RREB1: variants seen among roughly 807,000 people sequenced by gnomAD.
The protein encoded by RREB1 is ras responsive element binding protein 1.
A neutral mutation model predicts 117.8 loss-of-function variants in RREB1; 27 were observed. That is an observed-to-expected ratio of 0.23 (90% CI 0.17 to 0.32). RREB1 has a LOEUF of 0.32. Ranked by LOEUF, RREB1 falls within the 10% of genes least tolerant of loss-of-function variation. The pLI is 1.00. For synonymous variants in RREB1, 1,298 were observed against 1,026.7 expected (o/e 1.26, Z -5.05); for missense variants, 2,577 against 2,378.2 (o/e 1.08, Z -1.74).
intron 1 of RREB1, among the ~76,000 whole-genome samples, chr6:7,119,189 A>G (rs1761553330): frequency 6.6e-6 from 1 of 152,024 alleles, no homozygotes; most frequent in Non-Finnish European, 1.5e-5. Flanking sequence ...CATCTTTACT[A>G]AAAACACAAA....
intron 11 of RREB1, among the ~76,000 whole-genome samples, chr6:7,245,583 TG>T (rs1768954273): frequency 1.3e-5 from 2 of 152,348 alleles, no homozygotes; most frequent in East Asian, 3.9e-4. Flanking sequence ...TTAAAAGGAC[TG>T]TTGAAAACTG....
Position 7,231,428 on chromosome 6 carries a change from A to G in RREB1, c.3329A>G (p.Lys1110Arg). 2 of 1,613,088 alleles carry G rather than the reference A, an allele frequency of 1.2e-6. No homozygotes were observed. Among genetic ancestry groups the G allele is most frequent in the Non-Finnish European group, 8.5e-7 (1 of 1,179,810 alleles). Residue 1110 changes from lysine to arginine, a missense_variant, in exon 10 of 13, where the codon AAA becomes AGA. Transcript: ENST00000379938. Reference sequence around the variant, plus strand: ...GACAGCTTAGGAGGTTCTGTCCCCAAAGCCGCCACCACCGCCACCCCCGCT... The same window carrying G: ...GACAGCTTAGGAGGTTCTGTCCCCAGAGCCGCCACCACCGCCACCCCCGCT... ...ASDSLGGSVP[K>R]AATTATPAAT...
At chr6:7,108,685 T>A (rs1760963623) in intron 1 of RREB1, 1 of 151,880 alleles carries the variant, frequency 6.6e-6, no homozygotes, top group Non-Finnish European at 1.5e-5. Flanking sequence ...GCGCCCGCCC[T>A]CCCGCCGCCG....
chr6:7,157,683 G>T (rs1269120428), intron 1 of RREB1, among the ~76,000 whole-genome samples: 1 of 151,960 alleles, frequency 6.6e-6, no homozygotes, highest in African/African-American at 2.4e-5. Flanking sequence ...AGGTCGGAGG[G>T]TTGCTTGATC....
intron 4 of RREB1, among the ~76,000 whole-genome samples, chr6:7,186,087 A>AG (rs1027037612): frequency 2.2e-4 from 34 of 152,352 alleles, no homozygotes; most frequent in African/African-American, 7.7e-4. Flanking sequence ...AAGTAAAAAG[A>AG]GGTCTATTGA....
At chr6:7,132,380 A>G (rs917260439) in intron 1 of RREB1, among the ~76,000 whole-genome samples, 4 of 152,030 alleles carry the variant, frequency 2.6e-5, no homozygotes, top group African/African-American at 7.2e-5. Context: ...TGTGTTGCCC[A>G]GTCTGGTCTC....
chr6:7,142,955 G>A (rs1335253274), intron 1 of RREB1, among the ~76,000 whole-genome samples: 1 of 152,212 alleles, frequency 6.6e-6, no homozygotes, highest in African/African-American at 2.4e-5. Flanking sequence ...GGCATTGGAA[G>A]CTTCCCAGGC....
Position 7,230,613 on chromosome 6 carries a change from C to T in RREB1, c.2514C>T (p.Ala838=), listed in dbSNP as rs201261986. Residue 838 remains alanine (A), a synonymous_variant, in exon 10 of 13, where the codon GCC becomes GCT. Coordinates refer to ENST00000379938, the MANE Select transcript of RREB1 (RefSeq NM_001003699.4). Reference sequence around the variant, plus strand: ...GCCTGGGCCCCGCAGAGGCGCCGGCCGCTGAGGCGTCGGGGCGCGGGGAGG... The same window carrying T: ...GCCTGGGCCCCGCAGAGGCGCCGGCTGCTGAGGCGTCGGGGCGCGGGGAGG... ...ADGLGPAEAP[A]AEASGRGEDS... The T allele has an allele frequency of 1.8e-3, 2,912 of 1,604,488 alleles. 60 individuals carry two copies. In the South Asian group the frequency reaches 0.03, roughly 16 times the overall value.
chr6:7,196,218 G>GTTTTTTTTTTTTGTTTTTTTTTTTT (rs1765663458), intron 6 of RREB1, among the ~76,000 whole-genome samples: 1 of 121,470 alleles, frequency 8.2e-6, no homozygotes, highest in Non-Finnish European at 1.7e-5. Flanking sequence ...TTTTTTTTTC[G>GTTTTTTTTTTTTGTTTTTTTTTTTT]TTTTTTTTTT....
chr6:7,125,987 T>TTTG (rs1554115475), intron 1 of RREB1, among the ~76,000 whole-genome samples: 6 of 150,688 alleles, frequency 4.0e-5, no homozygotes, highest in Non-Finnish European at 7.4e-5. Flanking sequence ...AAGGACTGTT[T>TTTG]TTTGTTTGTT....
intron 1 of RREB1, among the ~76,000 whole-genome samples, chr6:7,151,379 A>G (rs1482573420): frequency 1.3e-5 from 2 of 152,332 alleles, no homozygotes; most frequent in Non-Finnish European, 1.5e-5. Context: ...AAAGTGGACA[A>G]TGCCTGCTTT....
intron 1 of RREB1, among the ~76,000 whole-genome samples, chr6:7,131,817 G>C (rs1019141212): frequency 1.2e-4 from 19 of 152,214 alleles, no homozygotes; most frequent in Admixed American, 7.2e-4. Context: ...TTTTTAAATG[G>C]GGGAAGAAAG....
chr6:7,244,939 C>T (rs988891957), intron 11 of RREB1, among the ~76,000 whole-genome samples: 3 of 152,208 alleles, frequency 2.0e-5, no homozygotes, highest in Non-Finnish European at 2.9e-5. Flanking sequence ...TGTAGTTACA[C>T]CTGATCACGT....
chr6:7,213,644 A>G (rs1263726556), intron 8 of RREB1: 1 of 152,248 alleles, frequency 6.6e-6, no homozygotes, highest in Non-Finnish European at 1.5e-5. Flanking sequence ...ATAGTTCTCT[A>G]GATCAAGGAC....
At chr6:7,226,425 C>T (rs759629473) in intron 8 of RREB1, 42 bp from the exon 9 acceptor site, 1 of 1,478,690 alleles carries the variant, frequency 6.8e-7, no homozygotes, top group South Asian at 1.3e-5. Context: ...TCCTCATATG[C>T]TCTCCCTTTC....
chr6:7,249,051 C>A lies in RREB1; in HGVS notation c.*83C>A. On this transcript the variant is annotated 3_prime_UTR_variant, in exon 13 of 13. Transcript: ENST00000379938. The stretch of plus-strand genomic sequence containing the variant: ...ATGGGGTTTCCTCAGTGCCCTTTGG[C>A]TGTTGAGGAGTGAGAGAGAGAGAGA... The A allele has an allele frequency of 1.1e-6, 1 of 915,140 alleles. No homozygotes were observed. Among genetic ancestry groups the A allele is most frequent in the Non-Finnish European group, 1.6e-6 (1 of 640,146 alleles). 56.7% of individuals were successfully genotyped at this position (915,140 alleles called of 1,614,324 possible). A position where few individuals can be genotyped will look rare whatever the true frequency, so the allele number is the denominator to read the frequency against.
chr6:7,109,153 G>A (rs1761005877), intron 1 of RREB1, among the ~76,000 whole-genome samples: 1 of 151,834 alleles, frequency 6.6e-6, no homozygotes, highest in Non-Finnish European at 1.5e-5. Context: ...TTTGTCCGCC[G>A]CCCGCTGGAC....
At chr6:7,195,264 G>A (rs1765610381) in intron 6 of RREB1, among the ~76,000 whole-genome samples, 1 of 152,150 alleles carries the variant, frequency 6.6e-6, no homozygotes. Context: ...GCAGAAAGTT[G>A]CAAATAATGA....
chr6:7,110,432 A>G (rs1761081645), intron 1 of RREB1, among the ~76,000 whole-genome samples: 1 of 151,856 alleles, frequency 6.6e-6, no homozygotes, highest in South Asian at 2.1e-4. Context: ...GGTTCGAGCT[A>G]CTCTACAAGT....
Sources: gnomAD v4.1 joint callset for allele counts (sites outside exome capture counted in the v4.1 genomes callset) on GRCh38, gnomAD v4.1.1 for gene constraint, MANE v1.5 for transcripts, NCBI Gene and HGNC (gene_info 2026-07-23, HGNC 2026-07-21) for gene names.